Variants in EEPD1 observed in about 807,000 individuals in gnomAD.
The protein encoded by EEPD1 is endonuclease/exonuclease/phosphatase family domain containing 1.
EEPD1 carries 17 observed loss-of-function variants against 46.3 expected under a neutral mutation model. The ratio of observed to expected loss-of-function variants is 0.37; its 90% CI spans 0.25 to 0.55. The LOEUF (loss-of-function observed/expected upper bound fraction) is 0.55, where lower values mean the gene tolerates loss of function less well. EEPD1 is among the 20% of genes least tolerant of loss of function. The pLI is 0.83. For synonymous variants in EEPD1, 313 were observed against 315.6 expected (o/e 0.99, Z 0.09); for missense variants, 673 against 745.6 (o/e 0.90, Z 1.13).
intron 2 of EEPD1, among the ~76,000 whole-genome samples, chr7:36,189,011 TG>T (rs1318811691): frequency 6.6e-6 from 1 of 152,248 alleles, no homozygotes; most frequent in Non-Finnish European, 1.5e-5. Context: ...GAGTCATTCG[TG>T]GGTTCAATTT....
At chr7:36,267,728 C>T (rs1787044862) in intron 3 of EEPD1, among the ~76,000 whole-genome samples, 1 of 152,188 alleles carries the variant, frequency 6.6e-6, no homozygotes, top group Non-Finnish European at 1.5e-5. Flanking sequence ...CCCATTATAG[C>T]TCCAGAATTG....
In EEPD1 at chr7:36,269,375, G is replaced by A. The variant is rs532072444; in HGVS notation, c.931-11740G>A. ...AGCGATTTAAAAAGGAAAGAGTCAA[G>A]CCAGGTGTGGTGGTTCACAACTGGT... is the stretch of plus-strand genomic sequence containing the variant. On this transcript the variant is annotated intron_variant, in intron 3 of 7. Transcript: ENST00000242108. Among the ~76,000 whole-genome samples, 7 of 152,272 alleles carry A rather than the reference G, an allele frequency of 4.6e-5. No homozygotes were observed. In the South Asian group the frequency reaches 8.3e-4, roughly 18 times the overall value.
chr7:36,177,836 C>G (rs1335596450), intron 2 of EEPD1, among the ~76,000 whole-genome samples: 1 of 152,166 alleles, frequency 6.6e-6, no homozygotes, highest in Non-Finnish European at 1.5e-5. Context: ...GCCTCAACCT[C>G]CCGAGTAGCT....
Position 36,186,342 on chromosome 7 carries a change from G to T in EEPD1, c.878+31140G>T, listed in dbSNP as rs573715398. 9.7e-4 allele frequency among the ~76,000 whole-genome samples: 148 copies of T among 152,290 alleles called. 2 individuals are homozygous for T. Among genetic ancestry groups the T allele is most frequent in the African/African-American group, 3.3e-3 (137 of 41,550 alleles). ...ACGATGGGAATGGCCAGTGGGGAAAGGGCTTTGAGTCAGGGCCGCTCTTCT... is the reference window on the plus strand; with the variant it reads ...ACGATGGGAATGGCCAGTGGGGAAATGGCTTTGAGTCAGGGCCGCTCTTCT... On this transcript the variant is annotated intron_variant, in intron 2 of 7. Transcript: ENST00000242108.
intron 7 of EEPD1, among the ~76,000 whole-genome samples, chr7:36,298,205 C>G (rs1453609157): frequency 6.6e-6 from 1 of 152,248 alleles, no homozygotes; most frequent in African/African-American, 2.4e-5. Flanking sequence ...AGAGGCCAGC[C>G]CACGGCCTTT....
intron 3 of EEPD1, among the ~76,000 whole-genome samples, chr7:36,266,987 G>A (rs1432598928): frequency 2.0e-5 from 3 of 152,142 alleles, no homozygotes; most frequent in Non-Finnish European, 4.4e-5. Flanking sequence ...GTGGACATTT[G>A]GGTCATTTCC....
intron 2 of EEPD1, among the ~76,000 whole-genome samples, chr7:36,187,968 T>G (rs1475945560): frequency 1.3e-5 from 2 of 152,198 alleles, no homozygotes; most frequent in Admixed American, 1.3e-4. Flanking sequence ...CGGCTAATTT[T>G]TCTATTTTTA....
At chr7:36,198,321 T>G (rs1457769589) in intron 2 of EEPD1, among the ~76,000 whole-genome samples, 5 of 39,008 alleles carry the variant, frequency 1.3e-4, no homozygotes. Context: ...AACCTGGTCT[T>G]AAGAAAAAAA....
intron 2 of EEPD1, among the ~76,000 whole-genome samples, chr7:36,196,016 T>A (rs991949790): frequency 6.6e-6 from 1 of 152,168 alleles, no homozygotes; most frequent in Non-Finnish European, 1.5e-5. Context: ...GGCCTATTGC[T>A]CCTAAGCTGC....
chr7:36,274,501 G>T (rs1787156742), intron 3 of EEPD1, among the ~76,000 whole-genome samples: 1 of 152,124 alleles, frequency 6.6e-6, no homozygotes, highest in Non-Finnish European at 1.5e-5. Flanking sequence ...TTTATACTTG[G>T]ACATAATTTG....
chr7:36,183,888 T>TTTTTTTTTTTTTTTTTTTTTTG (rs3053348), intron 2 of EEPD1, among the ~76,000 whole-genome samples: 22 of 135,466 alleles, frequency 1.6e-4, no homozygotes, highest in African/African-American at 3.6e-4. Context: ...TTTTTTTTTT[T>TTTTTTTTTTTTTTTTTTTTTTG]ATTTTTAAAA....
chr7:36,243,651 A>G (rs1786592168), intron 3 of EEPD1, among the ~76,000 whole-genome samples: 1 of 152,168 alleles, frequency 6.6e-6, no homozygotes, highest in Non-Finnish European at 1.5e-5. Flanking sequence ...AAGCTATTCT[A>G]AAGGGGCCAT....
rs779654385 is a variant in EEPD1 at position 36,154,363 on chromosome 7, G to T, written c.39G>T (p.Arg13Ser). The T allele has an allele frequency of 6.2e-7, 1 of 1,613,098 alleles. No individual in the cohort carries two copies. The highest frequency in any genetic ancestry group is 8.5e-7 in the Non-Finnish European group (1 of 1,180,016). The stretch of plus-strand genomic sequence containing the variant: ...TGGGCTGCCACCGCTCCATCCCCAG[G>T]GACCCCTCGGACCTGTCCCATAGCC... ...STLGCHRSIP[R>S]DPSDLSHSRK... Residue 13 changes from arginine (R) to serine (S), a missense_variant, in exon 2 of 8, where the codon AGG becomes AGT. Transcript: ENST00000242108. This position sits in a 1 kb window ranked among gnomAD's most constrained non-coding sequence, Gnocchi z 4.2.
chr7:36,267,838 G>T (rs1042943719), intron 3 of EEPD1, among the ~76,000 whole-genome samples: 1 of 152,152 alleles, frequency 6.6e-6, no homozygotes, highest in African/African-American at 2.4e-5. Context: ...TCCTTGGGAG[G>T]TAATTGGGTC....
At chr7:36,247,140 GA>G (rs1786653749) in intron 3 of EEPD1, among the ~76,000 whole-genome samples, 1 of 139,402 alleles carries the variant, frequency 7.2e-6, no homozygotes, top group African/African-American at 2.7e-5. Flanking sequence ...AAAAAAAAAA[GA>G]AAAGAAAAAA....
chr7:36,288,272 G>A (rs1787371204), intron 6 of EEPD1, among the ~76,000 whole-genome samples: 1 of 152,144 alleles, frequency 6.6e-6, no homozygotes, highest in Admixed American at 6.5e-5. Context: ...AGAAATGCTG[G>A]ATTTTAATCT....
chr7:36,240,844 C>G (rs1786544542), intron 3 of EEPD1, among the ~76,000 whole-genome samples: 2 of 152,302 alleles, frequency 1.3e-5, no homozygotes, highest in South Asian at 4.1e-4. Context: ...CACCTCAGAT[C>G]ATCAGGCATT....
Position 36,297,034 on chromosome 7 carries a change from C to T in EEPD1, c.1357C>T (p.Pro453Ser), listed in dbSNP as rs201649550. The T allele has an allele frequency of 1.2e-6, 2 of 1,614,186 alleles. No homozygotes were observed. Among genetic ancestry groups the T allele is most frequent in the East Asian group, 2.2e-5 (1 of 44,884 alleles). ...TATCTTAGGGGATTTTGGCCAAGGG[C>T]CAGACAGCAATGACTATGATATCCT... ...VIILGDFGQG[P>S]DSNDYDILRK... is the part of the protein sequence containing the mutation. Residue 453 changes from proline to serine, a missense_variant, in exon 7 of 8, where the codon CCA becomes TCA. Pro to Ser is a moderately conservative substitution (Grantham distance 74, BLOSUM62 -1). Transcript: ENST00000242108.
intron 2 of EEPD1, among the ~76,000 whole-genome samples, chr7:36,211,606 G>C (rs1048138665): frequency 6.6e-6 from 1 of 152,156 alleles, no homozygotes; most frequent in Non-Finnish European, 1.5e-5. Context: ...AGAAGAAAGA[G>C]CAGTGGGTTC....
Sources: allele counts gnomAD v4.1 joint callset (sites outside exome capture counted in the v4.1 genomes callset), GRCh38; gene constraint gnomAD v4.1.1; non-coding constraint Gnocchi (gnomAD v3.1); transcripts MANE v1.5; gene names NCBI Gene and HGNC (gene_info 2026-07-23, HGNC 2026-07-21).